Variants in MAMDC2 observed in about 807,000 individuals in gnomAD.
MAMDC2 encodes the protein MAM domain containing 2.
In MAMDC2, 57 loss-of-function variants were observed where a neutral mutation model predicts 89.8. That is an observed-to-expected ratio of 0.63 (90% confidence interval 0.51 to 0.79). The LOEUF is 0.79. Ranked by LOEUF, MAMDC2 falls within the 30% of genes least tolerant of loss-of-function variation. The probability of loss-of-function intolerance (pLI) is 0.00; values close to 1 mark genes in which losing one functional copy is unlikely to be tolerated. For missense variants in MAMDC2, 800 were observed against 820.6 expected, an observed-to-expected ratio of 0.97 and a Z score of 0.31; for synonymous variants, 313 against 293.4, an observed-to-expected ratio of 1.07 and a Z score of -0.68.
chr9:70,192,297 A>T (rs1012763168), intron 11 of MAMDC2, among the ~76,000 whole-genome samples: 7 of 152,108 alleles, frequency 4.6e-5, no homozygotes, highest in African/African-American at 7.2e-5. Context: ...ACAGAGACAG[A>T]GGGGATGTCT....
At chr9:70,094,468 C>A (rs903201493) in intron 2 of MAMDC2, among the ~76,000 whole-genome samples, 3 of 152,104 alleles carry the variant, frequency 2.0e-5, no homozygotes, top group Admixed American at 6.5e-5. Context: ...ATTTGTATTT[C>A]AGAAAATATA....
intron 9 of MAMDC2, among the ~76,000 whole-genome samples, chr9:70,147,403 T>C (rs1038391237): frequency 6.6e-6 from 1 of 150,458 alleles, no homozygotes; most frequent in Non-Finnish European, 1.5e-5. Flanking sequence ...ACCTTAGCTG[T>C]GTTGGCTGAC....
intron 5 of MAMDC2, among the ~76,000 whole-genome samples, chr9:70,119,344 T>A (rs549789615): frequency 6.6e-6 from 1 of 152,174 alleles, no homozygotes; most frequent in Non-Finnish European, 1.5e-5. Context: ...CCATCAAACA[T>A]CATGAGATGG....
intron 9 of MAMDC2, among the ~76,000 whole-genome samples, chr9:70,150,750 C>T (rs2031554619): frequency 6.6e-6 from 1 of 152,162 alleles, no homozygotes; most frequent in Non-Finnish European, 1.5e-5. Context: ...TCTCCAGCCA[C>T]CACCCTAGTC....
At chr9:70,077,245 G>A (rs1013802004) in intron 2 of MAMDC2, among the ~76,000 whole-genome samples, 2 of 152,198 alleles carry the variant, frequency 1.3e-5, no homozygotes, top group Non-Finnish European at 2.9e-5. Context: ...GAATGAAGGA[G>A]TAGCTGATAC....
chr9:70,087,642 G>C (rs1371804772), intron 2 of MAMDC2: 1 of 152,144 alleles, frequency 6.6e-6, no homozygotes, highest in African/African-American at 2.4e-5. Context: ...TGGAAAGGGA[G>C]TTAAGGGTCA....
intron 6 of MAMDC2, among the ~76,000 whole-genome samples, chr9:70,129,355 T>C (rs568033756): frequency 6.6e-6 from 1 of 152,330 alleles, no homozygotes; most frequent in Admixed American, 6.5e-5. Context: ...CTCTTTGCCT[T>C]CTGCCATGAT....
At chr9:70,055,666 A>G (rs1827010242) in intron 2 of MAMDC2, among the ~76,000 whole-genome samples, 1 of 152,190 alleles carries the variant, frequency 6.6e-6, no homozygotes, top group Admixed American at 6.5e-5. Context: ...TTTGGAAGGC[A>G]TCAAGTAGAG....
chr9:70,047,179 C>G (rs1826773444), intron 2 of MAMDC2, among the ~76,000 whole-genome samples: 1 of 150,474 alleles, frequency 6.6e-6, no homozygotes, highest in South Asian at 2.1e-4. Flanking sequence ...GAGACTTTTG[C>G]CCACATGCAC....
At chr9:70,105,159 T>C (rs560541288) in intron 2 of MAMDC2, among the ~76,000 whole-genome samples, 1 of 152,208 alleles carries the variant, frequency 6.6e-6, no homozygotes, top group Admixed American at 6.5e-5. Flanking sequence ...CATCCTATAT[T>C]TTCTAAAACT....
chr9:70,143,944 C>A (rs1049138641), intron 9 of MAMDC2, 125 bp downstream of exon 9: 1 of 1,122,104 alleles, frequency 8.9e-7, no homozygotes, highest in Non-Finnish European at 1.3e-6. Context: ...CGGCCTCACC[C>A]TTACACCCTA....
At chr9:70,221,992 G>GT (rs929366687) in intron 12 of MAMDC2, among the ~76,000 whole-genome samples, 2 of 152,120 alleles carry the variant, frequency 1.3e-5, no homozygotes, top group Non-Finnish European at 2.9e-5. Context: ...CAGCTACTGC[G>GT]TGTAAAGTAT....
chr9:70,104,031 G>A (rs3015203), intron 2 of MAMDC2, among the ~76,000 whole-genome samples: 9,647 of 151,098 alleles, frequency 0.064, 980 homozygotes, highest in African/African-American at 0.21. Flanking sequence ...ATGGGAAAAA[G>A]TATTTGCAAA....
intron 11 of MAMDC2, among the ~76,000 whole-genome samples, chr9:70,203,039 C>T (rs1309360362): frequency 6.6e-6 from 1 of 152,148 alleles, no homozygotes; most frequent in Non-Finnish European, 1.5e-5. Context: ...TTAATTGGAG[C>T]ATTTAGCCCA....
chr9:70,076,890 G>A (rs1023980115), intron 2 of MAMDC2, among the ~76,000 whole-genome samples: 10 of 152,194 alleles, frequency 6.6e-5, no homozygotes, highest in Non-Finnish European at 1.5e-5. Context: ...CAGTTTGTTA[G>A]AGCAAAAGCA....
At chr9:70,221,380 T>TATATATATAGAGAG in intron 12 of MAMDC2, among the ~76,000 whole-genome samples, 20 of 7,036 alleles carry the variant, frequency 2.8e-3, no homozygotes, top group South Asian at 0.016. Flanking sequence ...TATATATATA[T>TATATATATAGAGAG]AGAGAGAGAG....
chr9:70,154,834 G>C (rs1159636377), intron 9 of MAMDC2, among the ~76,000 whole-genome samples: 1 of 151,948 alleles, frequency 6.6e-6, no homozygotes. Context: ...TTTTATGATG[G>C]TATTTACTAA....
At chr9:70,179,785 C>CAAA (rs5898122) in intron 11 of MAMDC2, among the ~76,000 whole-genome samples, 5 of 144,734 alleles carry the variant, frequency 3.5e-5, no homozygotes, top group South Asian at 2.1e-4. Context: ...CTTTTTCTAG[C>CAAA]AAAAAAAAAA....
intron 5 of MAMDC2, among the ~76,000 whole-genome samples, chr9:70,119,193 A>C (rs1215683851): frequency 6.6e-6 from 1 of 151,978 alleles, no homozygotes; most frequent in East Asian, 1.9e-4. Flanking sequence ...AGCAAAAAAA[A>C]AAAAAAAGAT....
Sources: gnomAD v4.1 joint callset for allele counts (sites outside exome capture counted in the v4.1 genomes callset) on GRCh38, gnomAD v4.1.1 for gene constraint, MANE v1.5 for transcripts, NCBI Gene and HGNC (gene_info 2026-07-23, HGNC 2026-07-21) for gene names.